The following AKAP9 variants were observed in gnomAD, a reference collection of about 807,000 sequenced individuals.
AKAP9 encodes A-kinase anchoring protein 9.
Under a neutral mutation model 488.5 loss-of-function variants are expected in AKAP9, and 311 were observed. The ratio of observed to expected loss-of-function variants is 0.64; its 90% CI spans 0.58 to 0.70. The LOEUF (loss-of-function observed/expected upper bound fraction) is 0.70. Among genes scored for constraint, AKAP9 ranks in the 30% least tolerant of loss-of-function variants. The pLI is 0.00. For synonymous variants in AKAP9, 1,462 were observed against 1,483.5 expected, an observed-to-expected ratio of 0.99 and a Z score of 0.33; for missense variants, 4,215 against 4,374.5, an observed-to-expected ratio of 0.96 and a Z score of 1.03.
At position 91,980,375 on chromosome 7, in the gene AKAP9, A is replaced by G. The variant is rs749049917; in HGVS notation, c.351+42A>G. 5.2e-6 allele frequency: 5 copies of G among 953,128 alleles called. No homozygotes were observed. In the East Asian group the frequency reaches 1.1e-4, roughly 22 times the overall value. The allele number at this position is 953,128 out of a possible 1,614,324, so 59.0% of individuals were successfully genotyped here. A position where few individuals can be genotyped will look rare whatever the true frequency, so the allele number is the denominator to read the frequency against. ...TTGATTTCTAATATCATAAATGTAT[A>G]TTTATATTATTATTGAAATCATTGA... On this transcript the variant is annotated intron_variant, in intron 3 of 49. Coordinates refer to ENST00000356239, the MANE Select transcript of AKAP9 (RefSeq NM_005751.5).
chr7:92,010,188 C>G (rs1254853962), intron 8 of AKAP9, among the ~76,000 whole-genome samples: 1 of 152,082 alleles, frequency 6.6e-6, no homozygotes, highest in South Asian at 2.1e-4. Context: ...CTTGGGAGGC[C>G]GGGAGGTTTG....
In AKAP9 at chr7:92,001,179, G is replaced by T. The variant is rs864622705; in HGVS notation, c.1262G>T (p.Arg421Leu). ...CAGTTCGAAACTGATATAGTACAAC[G>T]AATGGAACAAGAAACACAAAGAAAG... ...DSQFETDIVQ[R>L]MEQETQRKLE... Residue 421 changes from arginine (R) to leucine (L), a missense_variant, in exon 8 of 50, where the codon CGA becomes CTA. Arg to Leu is a moderately radical substitution (Grantham distance 102). Around this residue, in one of 5 missense-constraint regions of AKAP9, gnomAD observed 2,361 missense variants for 2,430.0 expected, o/e 0.97. Transcript: ENST00000356239. 4 of 1,613,936 alleles carry T rather than the reference G, an allele frequency of 2.5e-6. No homozygotes were observed. The highest frequency in any genetic ancestry group is 3.4e-6 in the Non-Finnish European group (4 of 1,179,928).
chr7:92,002,985 TTG>T lies in AKAP9; in HGVS notation c.3071_3072del (p.Val1024AspfsTer8). 6.2e-7 allele frequency: 1 copy of T among 1,613,378 alleles called. No individual in the cohort carries two copies. The highest frequency in any genetic ancestry group is 8.5e-7 in the Non-Finnish European group (1 of 1,179,614). ...CAAGTAAGCTCTTTATTAGATGGAG[TTG>T]TGACCATGACAAGCAGGGGTGCTGA... On this transcript the variant is annotated frameshift_variant, in exon 8 of 50. Transcript: ENST00000356239. LOFTEE classifies it high-confidence loss of function.
intron 8 of AKAP9, among the ~76,000 whole-genome samples, chr7:92,007,633 T>C (rs1449913288): frequency 6.6e-6 from 1 of 152,254 alleles, no homozygotes; most frequent in Non-Finnish European, 1.5e-5. Flanking sequence ...ACCCAGGTTA[T>C]CTCTAGATTA....
chr7:92,080,029 A>G lies in AKAP9; in HGVS notation c.7896A>G (p.Ala2632=), dbSNP rs1458018269. ...LILEKEQVEI[A]EKNVLEKEKK... ...TAGAAAAAGAACAAGTAGAAATTGCAGAAAAAAATGTTTTAGAAAAAGAAA... is the reference window on the plus strand; with the variant it reads ...TAGAAAAAGAACAAGTAGAAATTGCGGAAAAAAATGTTTTAGAAAAAGAAA... Residue 2632 remains alanine (A), a synonymous_variant, in exon 31 of 50, where the codon GCA becomes GCG. Coordinates refer to ENST00000356239, the MANE Select transcript of AKAP9 (RefSeq NM_005751.5). 4 of 1,563,156 alleles carry G rather than the reference A, an allele frequency of 2.6e-6. No individual in the cohort carries two copies. Among genetic ancestry groups the G allele is most frequent in the Non-Finnish European group, 2.6e-6 (3 of 1,164,334 alleles).
intron 8 of AKAP9, among the ~76,000 whole-genome samples, chr7:92,010,983 G>A (rs757176982): frequency 6.6e-6 from 1 of 152,034 alleles, no homozygotes; most frequent in African/African-American, 2.4e-5. Context: ...TATTGGAAAA[G>A]AATCCATAAA....
chr7:92,099,911 A>G (rs752773610), intron 44 of AKAP9, 42 bp downstream of exon 44: 2 of 1,577,670 alleles, frequency 1.3e-6, no homozygotes, highest in South Asian at 1.1e-5. Flanking sequence ...GAATTAGTGC[A>G]TGCTTATCAT....
intron 13 of AKAP9, 59 bp downstream of exon 13, chr7:92,022,411 C>A: frequency 8.2e-7 from 1 of 1,221,680 alleles, no homozygotes; most frequent in Non-Finnish European, 1.2e-6. Context: ...GAGTAATTTG[C>A]TTTTTTACTT....
rs544489996 is a variant in AKAP9, at chr7:91,981,643, T to C, written c.351+1310T>C. Reference sequence around the variant, plus strand: ...TTTTTTCACCAAGATGGAGTCTCACTCTGTTGCCCAGACTGGAGTGCAGTG... The same window carrying C: ...TTTTTTCACCAAGATGGAGTCTCACCCTGTTGCCCAGACTGGAGTGCAGTG... On this transcript the variant is annotated intron_variant, in intron 3 of 49. Transcript: ENST00000356239. Among the ~76,000 whole-genome samples the C allele has an allele frequency of 1.7e-4, 25 of 144,444 alleles. No homozygotes were observed. In the South Asian group the frequency reaches 5.3e-3, roughly 31 times the overall value. 94.8% of individuals were successfully genotyped at this position (144,444 alleles called of 152,430 possible). A position where few individuals can be genotyped will look rare whatever the true frequency, so the allele number is the denominator to read the frequency against.
chr7:92,034,364 G>A (rs1239226189), intron 16 of AKAP9, among the ~76,000 whole-genome samples: 1 of 151,752 alleles, frequency 6.6e-6, no homozygotes, highest in Non-Finnish European at 1.5e-5. Flanking sequence ...TCCTGGCACA[G>A]ATTTGTCTTT....
At chr7:91,965,552 AG>A (rs1794338692) in intron 1 of AKAP9, among the ~76,000 whole-genome samples, 1 of 152,148 alleles carries the variant, frequency 6.6e-6, no homozygotes, top group Admixed American at 6.5e-5. Context: ...ATGTCCCAGT[AG>A]GGGAATTGCT....
At position 92,001,185 on chromosome 7, in the gene AKAP9, A is replaced by T. The variant is rs777495335; in HGVS notation, c.1268A>T (p.Glu423Val). Residue 423 changes from glutamate to valine, a missense_variant, in exon 8 of 50, where the codon GAA (glutamate) becomes GTA (valine). Glu to Val is a moderately radical substitution (Grantham distance 121). Coordinates refer to ENST00000356239, the MANE Select transcript of AKAP9 (RefSeq NM_005751.5). ...GAAACTGATATAGTACAACGAATGG[A>T]ACAAGAAACACAAAGAAAGTTAGAA... ...QFETDIVQRM[E>V]QETQRKLEQL... 1.2e-6 allele frequency: 2 copies of T among 1,614,068 alleles called. No individual in the cohort carries two copies. The highest frequency in any genetic ancestry group is 4.5e-5 in the East Asian group (2 of 44,870).
chr7:91,996,864 G>A (rs1798466991), intron 7 of AKAP9, among the ~76,000 whole-genome samples: 1 of 152,198 alleles, frequency 6.6e-6, no homozygotes, highest in Non-Finnish European at 1.5e-5. Context: ...AGTGCTTACT[G>A]TGTAACAGGC....
intron 8 of AKAP9, among the ~76,000 whole-genome samples, chr7:92,010,108 C>CT (rs1299072542): frequency 6.6e-6 from 1 of 152,008 alleles, no homozygotes; most frequent in African/African-American, 2.4e-5. Context: ...CCAGGCTGGT[C>CT]TTAAATGTAG....
chr7:92,042,080 A>G lies in AKAP9; in HGVS notation c.4952A>G (p.Glu1651Gly), dbSNP rs2130784355. The G allele has an allele frequency of 6.2e-7, 1 of 1,613,660 alleles. No individual in the cohort carries two copies. ...SSIDNENLVS[E>G]RERVLLEELE... ...ATAGATAATGAAAACCTGGTTTCAG[A>G]GAGAGAGAGGGTGCTTTTAGAGGAG... Residue 1651 changes from glutamate to glycine, a missense_variant, in exon 19 of 50, where the codon GAG (glutamate) becomes GGG (glycine). Around this residue, in one of 5 missense-constraint regions of AKAP9, gnomAD observed 2,361 missense variants for 2,430.0 expected, o/e 0.97. Coordinates refer to ENST00000356239, the MANE Select transcript of AKAP9 (RefSeq NM_005751.5).
rs1265872866 is a variant in AKAP9, at chr7:92,065,413, C to G, written c.6160C>G (p.Gln2054Glu). 6.2e-7 allele frequency: 1 copy of G among 1,612,234 alleles called. No homozygotes were observed. The highest frequency in any genetic ancestry group is 1.7e-5 in the Admixed American group (1 of 59,892). The change falls in exon 25 of 50, where the codon CAA becomes GAA. Residue 2054 changes from glutamine (Q) to glutamate (E), a missense_variant. Physicochemically the swap from Gln to Glu is conservative, Grantham distance 29. Coordinates refer to ENST00000356239, the MANE Select transcript of AKAP9 (RefSeq NM_005751.5). Reference protein sequence around the residue: ...KNTELMDLRQQNQALEKQLEK... With the variant: ...KNTELMDLRQENQALEKQLEK... Reference sequence around the variant, plus strand: ...TACTGAACTAATGGATTTAAGACAGCAAAACCAAGCATTGGAAAAGCAGTT... The same window carrying G: ...TACTGAACTAATGGATTTAAGACAGGAAAACCAAGCATTGGAAAAGCAGTT...
At position 92,002,521 on chromosome 7, in the gene AKAP9, T is replaced by C. The variant is rs770476104; in HGVS notation, c.2604T>C (p.Tyr868=). The C allele has an allele frequency of 4.3e-6, 7 of 1,610,756 alleles. No individual in the cohort carries two copies. The Admixed American group carries it at 8.4e-5, about 19-fold the overall frequency. The part of the protein sequence containing the change: ...EVNYQELQEE[Y]ACLLKVKDDL... ...ACTATCAAGAGTTACAAGAGGAGTA[T>C]GCTTGCCTTCTCAAAGTAAAAGATG... The change falls in exon 8 of 50, where the codon TAT becomes TAC. Residue 868 remains tyrosine (Y), a synonymous_variant. Transcript: ENST00000356239.
At position 92,106,269 on chromosome 7, in the gene AKAP9, C is replaced by T. The variant is rs562065582; in HGVS notation, c.11416+506C>T. 3.9e-5 allele frequency among the ~76,000 whole-genome samples: 6 copies of T among 152,342 alleles called. No homozygotes were observed. In the South Asian group the frequency reaches 1.2e-3, roughly 32 times the overall value. ...ACTGTTTTAAAGAGGGTAATAATAACTGATTTTCATGGAGAACTTAGTCTG... is the reference window on the plus strand; with the variant it reads ...ACTGTTTTAAAGAGGGTAATAATAATTGATTTTCATGGAGAACTTAGTCTG... On this transcript the variant is annotated intron_variant, in intron 47 of 49. Transcript: ENST00000356239.
intron 4 of AKAP9, 147 bp downstream of exon 4, chr7:91,992,358 C>T (rs1797856169): frequency 2.7e-6 from 2 of 734,470 alleles, no homozygotes; most frequent in Non-Finnish European, 2.4e-6. Flanking sequence ...AGTTATCTAC[C>T]ATTTATTATA....
Sources: gnomAD v4.1 joint callset for allele counts (sites outside exome capture counted in the v4.1 genomes callset) on GRCh38, gnomAD v4.1.1 for gene constraint, gnomAD v4.1.1 regional missense constraint, MANE v1.5 for transcripts, NCBI Gene and HGNC (gene_info 2026-07-23, HGNC 2026-07-21) for gene names.